Variants in SLC8A1 observed in about 807,000 individuals in gnomAD.
The protein encoded by SLC8A1 is solute carrier family 8 member A1.
Under a neutral mutation model 68.3 loss-of-function variants are expected in SLC8A1, and 18 were observed. The ratio of observed to expected loss-of-function variants is 0.26; its 90% CI spans 0.18 to 0.39. The LOEUF (loss-of-function observed/expected upper bound fraction) is 0.39, where lower values mean the gene tolerates loss of function less well. SLC8A1 is among the 10% of genes least tolerant of loss of function. The pLI, the probability that SLC8A1 is intolerant of heterozygous loss-of-function variation, is 1.00. For synonymous variants in SLC8A1, 475 were observed against 415.5 expected (o/e 1.14, Z -1.74); for missense variants, 985 against 1,156.7 (o/e 0.85, Z 2.15).
chr2:40,192,166 G>T (rs939901833), intron 2 of SLC8A1, among the ~76,000 whole-genome samples: 1 of 151,794 alleles, frequency 6.6e-6, no homozygotes, highest in East Asian at 1.9e-4. Context: ...TAACTTAATC[G>T]CATTCTTGCA....
intron 2 of SLC8A1, among the ~76,000 whole-genome samples, chr2:40,307,490 G>A (rs1031181706): frequency 3.3e-5 from 5 of 152,052 alleles, no homozygotes; most frequent in African/African-American, 9.7e-5. Context: ...TAACACTATT[G>A]AACTGTACAC....
At chr2:40,437,546 C>A (rs922488736) in intron 1 of SLC8A1, among the ~76,000 whole-genome samples, 2 of 152,088 alleles carry the variant, frequency 1.3e-5, no homozygotes, top group African/African-American at 4.8e-5. Context: ...GAATCCCTAG[C>A]AGTAAGCAAG....
chr2:40,400,535 C>A (rs1326135971), intron 2 of SLC8A1, among the ~76,000 whole-genome samples: 1 of 152,122 alleles, frequency 6.6e-6, no homozygotes, highest in Non-Finnish European at 1.5e-5. Flanking sequence ...TTCTCTTGGC[C>A]TGAGTCAAAG....
At chr2:40,453,659 G>A (rs1702814682), upstream of SLC8A1, among the ~76,000 whole-genome samples, 1 of 152,182 alleles carries the variant, frequency 6.6e-6, no homozygotes, top group Admixed American at 6.5e-5. Context: ...TTGTTTTTAA[G>A]ATGCCTGGTT....
chr2:40,362,192 GC>G (rs1463191522), intron 2 of SLC8A1, among the ~76,000 whole-genome samples: 1 of 151,602 alleles, frequency 6.6e-6, no homozygotes, highest in Non-Finnish European at 1.5e-5. Flanking sequence ...ACTGCGCCTG[GC>G]CTACATCTTC....
chr2:40,131,827 G>A lies in SLC8A1; in HGVS notation c.2437+7574C>T, dbSNP rs189206355. Among the ~76,000 whole-genome samples, 7 of 147,142 alleles carry A rather than the reference G, an allele frequency of 4.8e-5. No individual in the cohort carries two copies. The East Asian group carries it at 1.4e-3, about 29-fold the overall frequency. On this transcript the variant is annotated intron_variant, in intron 7 of 7. Coordinates refer to ENST00000406785, the Ensembl canonical transcript of SLC8A1. ...TGTTCAGATTCATTAGTGGCACATG[G>A]CTGTGCTGATGAGGATTATCTTGGT...
chr2:40,427,965 C>T (rs548861437), intron 2 of SLC8A1, among the ~76,000 whole-genome samples: 78 of 152,228 alleles, frequency 5.1e-4, no homozygotes, highest in African/African-American at 1.8e-3. Context: ...TGTCACAAAA[C>T]ACAATGTCAC....
At chr2:40,300,952 TA>T (rs2071344932) in intron 2 of SLC8A1, among the ~76,000 whole-genome samples, 1 of 152,200 alleles carries the variant, frequency 6.6e-6, no homozygotes. Flanking sequence ...AATCTATACG[TA>T]ATTGTCCTTT....
At chr2:40,300,842 C>T (rs1234490718) in intron 2 of SLC8A1, among the ~76,000 whole-genome samples, 1 of 152,098 alleles carries the variant, frequency 6.6e-6, no homozygotes, top group Non-Finnish European at 1.5e-5. Flanking sequence ...AAATCCAGGA[C>T]AAAGTATTTA....
intron 2 of SLC8A1, among the ~76,000 whole-genome samples, chr2:40,362,288 G>GA (rs201866481): frequency 0.021 from 3,135 of 150,368 alleles, 105 homozygotes; most frequent in African/African-American, 0.072. Flanking sequence ...AAGAAAAAAA[G>GA]AAAAAAAAAC....
intron 2 of SLC8A1, among the ~76,000 whole-genome samples, chr2:40,412,546 G>C (rs1692488159): frequency 6.6e-6 from 1 of 152,252 alleles, no homozygotes; most frequent in East Asian, 1.9e-4. Flanking sequence ...GGGAATGGAG[G>C]CACTACCTTA....
chr2:40,467,640 G>A (rs554437704), intron 1 of SLC8A1, among the ~76,000 whole-genome samples: 34 of 151,936 alleles, frequency 2.2e-4, no homozygotes, highest in African/African-American at 6.5e-4. Context: ...TTTGACATTC[G>A]CATAAATAAC....
intron 1 of SLC8A1, among the ~76,000 whole-genome samples, chr2:40,480,566 G>A (rs1234503117): frequency 3.3e-5 from 5 of 152,146 alleles, no homozygotes; most frequent in Non-Finnish European, 7.3e-5. Context: ...GCCAGTTTAT[G>A]GGATTTTTGT....
intron 2 of SLC8A1, among the ~76,000 whole-genome samples, chr2:40,248,353 G>T (rs1027665711): frequency 9.9e-5 from 15 of 152,084 alleles, no homozygotes; most frequent in African/African-American, 3.4e-4. Context: ...GTACCTTTGG[G>T]AAGTGATTAG....
At position 40,236,454 on chromosome 2, in the gene SLC8A1, C is replaced by T. The variant is rs191433471; in HGVS notation, c.1809-58599G>A. Among the ~76,000 whole-genome samples, 13 of 152,174 alleles carry T rather than the reference C, an allele frequency of 8.5e-5. No homozygotes were observed. In the East Asian group the frequency reaches 2.1e-3, roughly 25 times the overall value. ...CTTTTTTTGTTTTCCATTTGTTTGG[C>T]AGATCTTCCTCCATCCTTTTATTTT... On this transcript the variant is annotated intron_variant, in intron 2 of 7. Coordinates refer to ENST00000406785, the Ensembl canonical transcript of SLC8A1.
intron 1 of SLC8A1, among the ~76,000 whole-genome samples, chr2:40,434,936 A>C (rs1007431935): frequency 3.3e-5 from 5 of 152,132 alleles, no homozygotes; most frequent in Admixed American, 3.3e-4. Context: ...TTTGTAAAGG[A>C]AGAGGGAGAG....
intron 2 of SLC8A1, among the ~76,000 whole-genome samples, chr2:40,289,041 T>G (rs1383985439): frequency 6.6e-6 from 1 of 151,794 alleles, no homozygotes; most frequent in Non-Finnish European, 1.5e-5. Context: ...TTATCCTATG[T>G]TCTATAAACC....
intron 2 of SLC8A1, among the ~76,000 whole-genome samples, chr2:40,313,554 A>G (rs1192201406): frequency 6.6e-6 from 1 of 151,938 alleles, no homozygotes; most frequent in Non-Finnish European, 1.5e-5. Flanking sequence ...CCATGTATTT[A>G]TAAATATTTG....
chr2:40,320,771 T>C (rs1182917046), intron 2 of SLC8A1, among the ~76,000 whole-genome samples: 2 of 152,114 alleles, frequency 1.3e-5, no homozygotes, highest in Non-Finnish European at 2.9e-5. Flanking sequence ...CTCTTAAGAG[T>C]CTTCTCAAAA....
Sources: gnomAD v4.1 joint callset for allele counts (sites outside exome capture counted in the v4.1 genomes callset) on GRCh38, gnomAD v4.1.1 for gene constraint, MANE v1.5 for transcripts, NCBI Gene and HGNC (gene_info 2026-07-23, HGNC 2026-07-21) for gene names.